The following GALNTL6 variants were observed in gnomAD, a reference collection of about 807,000 sequenced individuals.
GALNTL6 encodes the protein polypeptide N-acetylgalactosaminyltransferase like 6.
GALNTL6 carries 46 observed loss-of-function variants against 73.7 expected under a neutral mutation model. That is an observed-to-expected ratio of 0.62 (90% CI 0.49 to 0.80). The LOEUF is 0.80. GALNTL6 is among the 30% of genes least tolerant of loss of function. The pLI is 0.00. For synonymous variants in GALNTL6, 259 were observed against 263.7 expected (o/e 0.98, Z 0.17); for missense variants, 604 against 755.0 (o/e 0.80, Z 2.34).
intron 2 of GALNTL6, among the ~76,000 whole-genome samples, chr4:172,007,750 T>C (rs996682999): frequency 3.3e-5 from 5 of 152,150 alleles, no homozygotes; most frequent in African/African-American, 9.6e-5. Context: ...TTAAATATTC[T>C]TAATGAACAC....
chr4:172,261,282 T>A (rs1187601192), intron 3 of GALNTL6, among the ~76,000 whole-genome samples: 1 of 151,488 alleles, frequency 6.6e-6, no homozygotes, highest in Admixed American at 6.6e-5. Flanking sequence ...CCAACCTCAC[T>A]ACTTGTTATA....
chr4:171,917,820 G>A (rs1737672425), intron 2 of GALNTL6, among the ~76,000 whole-genome samples: 1 of 152,006 alleles, frequency 6.6e-6, no homozygotes. Flanking sequence ...TACTGGCATG[G>A]TTTTAATATA....
At chr4:172,128,569 G>A (rs1733368567) in intron 2 of GALNTL6, among the ~76,000 whole-genome samples, 1 of 152,118 alleles carries the variant, frequency 6.6e-6, no homozygotes, top group Non-Finnish European at 1.5e-5. Context: ...AATGAAGGTT[G>A]TGGACCATAA....
intron 2 of GALNTL6, among the ~76,000 whole-genome samples, chr4:171,828,890 C>T (rs909517459): frequency 3.3e-5 from 5 of 152,130 alleles, no homozygotes; most frequent in African/African-American, 1.2e-4. Flanking sequence ...CTGCCTGGGC[C>T]TCTCAAAATG....
intron 10 of GALNTL6, among the ~76,000 whole-genome samples, chr4:172,981,413 G>T (rs1392494356): frequency 6.6e-6 from 1 of 152,180 alleles, no homozygotes; most frequent in Non-Finnish European, 1.5e-5. Context: ...TAATGAATGT[G>T]AAGTGATATG....
chr4:172,528,317 AAAATATATATATAT>A (rs1399522609), intron 5 of GALNTL6, among the ~76,000 whole-genome samples: 36 of 118,542 alleles, frequency 3.0e-4, no homozygotes, highest in African/African-American at 1.2e-3. Flanking sequence ...TGCTAGAAAT[AAAATATATATATAT>A]ATATATATAT....
intron 4 of GALNTL6, among the ~76,000 whole-genome samples, chr4:172,327,140 T>A (rs980886132): frequency 1.3e-5 from 2 of 152,110 alleles, no homozygotes; most frequent in Non-Finnish European, 2.9e-5. Context: ...TTTCTGTTGC[T>A]TTTTTATTTT....
intron 8 of GALNTL6, among the ~76,000 whole-genome samples, chr4:172,896,471 A>C (rs1273968254): frequency 2.6e-5 from 4 of 152,186 alleles, no homozygotes; most frequent in Non-Finnish European, 4.4e-5. Flanking sequence ...AACTCCGTAC[A>C]GGGCTGTGTG....
chr4:172,072,987 T>C (rs1731591255), intron 2 of GALNTL6, among the ~76,000 whole-genome samples: 1 of 152,206 alleles, frequency 6.6e-6, no homozygotes, highest in South Asian at 2.1e-4. Context: ...TATACCTGCC[T>C]AATTCTCACT....
intron 8 of GALNTL6, among the ~76,000 whole-genome samples, chr4:172,885,829 C>CT (rs1338823216): frequency 6.6e-6 from 1 of 152,024 alleles, no homozygotes; most frequent in Non-Finnish European, 1.5e-5. Flanking sequence ...GCTTTTTGTC[C>CT]TTGATTCTCT....
At chr4:171,880,731 T>C (rs761547727) in intron 2 of GALNTL6, among the ~76,000 whole-genome samples, 10 of 152,128 alleles carry the variant, frequency 6.6e-5, no homozygotes, top group Non-Finnish European at 1.0e-4. Flanking sequence ...AAGGGAAATA[T>C]AGGCTTATAG....
chr4:172,205,419 G>T (rs1736077268), intron 2 of GALNTL6, among the ~76,000 whole-genome samples: 1 of 152,160 alleles, frequency 6.6e-6, no homozygotes, highest in Non-Finnish European at 1.5e-5. Context: ...CCACTTTTTT[G>T]GGAGAGATAT....
At chr4:172,209,009 T>C (rs751878876) in intron 2 of GALNTL6, among the ~76,000 whole-genome samples, 5 of 152,086 alleles carry the variant, frequency 3.3e-5, no homozygotes, top group African/African-American at 2.4e-5. Context: ...AGTTCTCAAA[T>C]TCTTTATAGT....
chr4:173,009,738 G>A (rs1476951186), intron 11 of GALNTL6, among the ~76,000 whole-genome samples: 1 of 152,170 alleles, frequency 6.6e-6, no homozygotes, highest in African/African-American at 2.4e-5. Context: ...CTTTACATGG[G>A]CCTCCTGTTG....
At chr4:172,578,336 T>C (rs1737040792) in intron 5 of GALNTL6, among the ~76,000 whole-genome samples, 1 of 152,246 alleles carries the variant, frequency 6.6e-6, no homozygotes. Flanking sequence ...ATGCAGTCTT[T>C]CTATGAAATA....
At chr4:172,829,076 G>A (rs748673894) in intron 7 of GALNTL6, among the ~76,000 whole-genome samples, 3 of 152,144 alleles carry the variant, frequency 2.0e-5, no homozygotes, top group Non-Finnish European at 2.9e-5. Context: ...GTGTACTCCC[G>A]TGCCTTCACA....
rs779131413 is a variant in GALNTL6 at position 172,954,709 on chromosome 4, C to T, written c.1371+2451C>T. ...TCTTGAACTCCTGGCCTCAATTATT[C>T]ATCTCACCTCAGCCTCCCCAAGTGC... On this transcript the variant is annotated intron_variant, in intron 10 of 12. Transcript: ENST00000506823. 2.0e-5 allele frequency among the ~76,000 whole-genome samples: 3 copies of T among 152,094 alleles called. No homozygotes were observed. The South Asian group carries it at 6.2e-4, about 32-fold the overall frequency.
At position 172,109,013 on chromosome 4, in the gene GALNTL6, CA is replaced by C. The variant is rs202017302; in HGVS notation, c.139-120614del. Among the ~76,000 whole-genome samples, 406 of 108,100 alleles carry C rather than the reference CA, an allele frequency of 3.8e-3. 2 individuals are homozygous for C. Among genetic ancestry groups the C allele is most frequent in the African/African-American group, 0.01 (331 of 31,732 alleles). The allele number at this position is 108,100 out of a possible 152,430, so 70.9% of individuals were successfully genotyped here. A position where few individuals can be genotyped will look rare whatever the true frequency, so the allele number is the denominator to read the frequency against. On this transcript the variant is annotated intron_variant, in intron 2 of 12. Coordinates refer to ENST00000506823, the MANE Select transcript of GALNTL6 (RefSeq NM_001034845.3). ...GGGTGACAGAGTGAGACTCCATCTC[CA>C]AAAAAAAAAAAAAAAAAAAAAAAAA...
chr4:172,984,370 C>T (rs1160698887), intron 10 of GALNTL6, among the ~76,000 whole-genome samples: 1 of 152,180 alleles, frequency 6.6e-6, no homozygotes, highest in Non-Finnish European at 1.5e-5. Context: ...CATCAGATCT[C>T]AGGAGAACTC....
Sources: allele counts gnomAD v4.1 joint callset (sites outside exome capture counted in the v4.1 genomes callset), GRCh38; gene constraint gnomAD v4.1.1; transcripts MANE v1.5; gene names NCBI Gene and HGNC (gene_info 2026-07-23, HGNC 2026-07-21).